Variants in CELSR1 observed in about 807,000 individuals in gnomAD.
CELSR1 encodes adhesion G protein-coupled receptor C1.
Under a neutral mutation model 249.1 loss-of-function variants are expected in CELSR1, and 110 were observed. The ratio of observed to expected loss-of-function variants is 0.44; its 90% CI spans 0.38 to 0.52. CELSR1 has a LOEUF of 0.52. CELSR1 is among the 20% of genes least tolerant of loss of function. The pLI is 0.00. For missense variants in CELSR1, 4,109 were observed against 4,296.4 expected, an observed-to-expected ratio of 0.96 and a Z score of 1.22; for synonymous variants, 2,113 against 1,900.0, an observed-to-expected ratio of 1.11 and a Z score of -2.92.
chr22:46,484,773 C>T lies in CELSR1; in HGVS notation c.3545-20428G>A, dbSNP rs963947045. Among the ~76,000 whole-genome samples, 3 of 144,766 alleles carry T rather than the reference C, an allele frequency of 2.1e-5. No individual in the cohort carries two copies. The highest frequency in any genetic ancestry group is 7.3e-5 in the Admixed American group (1 of 13,740). 95.0% of individuals were successfully genotyped at this position (144,766 alleles called of 152,430 possible). The stretch of plus-strand genomic sequence containing the variant: ...TGCTGCCTGAGGTCTCCAAACACTA[C>T]CGAAGCCCACCTCCAGGAACAAGGA... On this transcript the variant is annotated intron_variant, in intron 1 of 34. Coordinates refer to ENST00000674500, the MANE Select transcript of CELSR1 (RefSeq NM_001378328.1). The surrounding 1 kb of genome is among the most constrained non-coding windows in gnomAD (Gnocchi z 4.5).
Position 46,490,563 on chromosome 22 carries a change from C to T in CELSR1, c.3545-26218G>A, listed in dbSNP as rs536339596. On this transcript the variant is annotated intron_variant, in intron 1 of 34. Coordinates refer to ENST00000674500, the MANE Select transcript of CELSR1 (RefSeq NM_001378328.1). This position sits in a 1 kb window ranked among gnomAD's most constrained non-coding sequence, Gnocchi z 5.2. ...CCGCCTCCCAAAATGTTGAGATCAG[C>T]CAACCGAAACCCACTTTTCAAGCAG... Among the ~76,000 whole-genome samples, 188 of 152,164 alleles carry T rather than the reference C, an allele frequency of 1.2e-3. No individual in the cohort carries two copies. The highest frequency in any genetic ancestry group is 3.9e-3 in the Admixed American group (60 of 15,286).
In CELSR1 at chr22:46,361,516, C is replaced by T. The variant is rs943785080; in HGVS notation, c.*1707G>A. The T allele has an allele frequency of 8.5e-5, 13 of 152,214 alleles. No individual in the cohort carries two copies. The South Asian group carries it at 1.4e-3, about 17-fold the overall frequency. The allele number at this position is 152,214 out of a possible 1,614,324, so 9.4% of individuals were successfully genotyped here. ...TAAAAACCTTTTCGTACTTAGGAAA[C>T]GCCAGGGGCAAACGTTTAAAGGGAC... is the stretch of plus-strand genomic sequence containing the variant. On this transcript the variant is annotated 3_prime_UTR_variant, in exon 35 of 35. Coordinates refer to ENST00000674500, the MANE Select transcript of CELSR1 (RefSeq NM_001378328.1).
intron 9 of CELSR1, among the ~76,000 whole-genome samples, chr22:46,400,921 C>T (rs761705467): frequency 3.3e-5 from 5 of 151,188 alleles, no homozygotes; most frequent in South Asian, 2.1e-4. Context: ...TACTGTACTT[C>T]GACTTGGGTG....
intron 2 of CELSR1, among the ~76,000 whole-genome samples, chr22:46,442,820 G>T (rs1172265283): frequency 6.6e-6 from 1 of 152,190 alleles, no homozygotes; most frequent in African/African-American, 2.4e-5. Context: ...GGCCTGGCGC[G>T]GTGGCTCACG....
In CELSR1 at chr22:46,363,127, C is replaced by G. The variant is rs752905705; in HGVS notation, c.*96G>C. 6.2e-7 allele frequency: 1 copy of G among 1,613,280 alleles called. No homozygotes were observed. Among genetic ancestry groups the G allele is most frequent in the Non-Finnish European group, 8.5e-7 (1 of 1,179,674 alleles). ...ACTTCAAGGGCAGTGGCCCCTTGGG[C>G]TCCAAGGTCTGAGGGTGATGCCGCA... On this transcript the variant is annotated 3_prime_UTR_variant, in exon 35 of 35. Transcript: ENST00000674500. This position sits in a 1 kb window ranked among gnomAD's most constrained non-coding sequence, Gnocchi z 4.3.
intron 28 of CELSR1, among the ~76,000 whole-genome samples, chr22:46,367,379 G>A (rs891724627): frequency 2.0e-5 from 3 of 152,252 alleles, no homozygotes; most frequent in Non-Finnish European, 2.9e-5. Context: ...AGTCTTCTGG[G>A]CACTCCTTCC....
intron 1 of CELSR1, among the ~76,000 whole-genome samples, chr22:46,489,811 C>T (rs2080350192): frequency 6.6e-6 from 1 of 151,632 alleles, no homozygotes; most frequent in Non-Finnish European, 1.5e-5. Flanking sequence ...ATGAGAATTG[C>T]TTGAACCCGG....
rs1465526770 is a variant in CELSR1, at chr22:46,536,878, G to C, written c.293C>G (p.Pro98Arg). Reference protein sequence around the residue: ...LQVRLVARSAPTALSRRLRAR... With the variant: ...LQVRLVARSARTALSRRLRAR... ...CCGCAGGCGGCGGCTCAGCGCCGTC[G>C]GGGCACTGCGGGCCACCAAGCGGAC... Residue 98 changes from proline (P) to arginine (R), a missense_variant, in exon 1 of 35, where the codon CCG (proline) becomes CGG (arginine). By Grantham distance (103) the Pro-to-Arg change is moderately radical. This residue lies in a region of CELSR1 where 673 missense variants were observed against 636.8 expected (regional missense o/e 1.06). Transcript: ENST00000674500. 20 of 1,227,198 alleles carry C rather than the reference G, an allele frequency of 1.6e-5. No homozygotes were observed. Among genetic ancestry groups the C allele is most frequent in the Middle Eastern group, 6.5e-4 (2 of 3,054 alleles). 76.0% of individuals were successfully genotyped at this position (1,227,198 alleles called of 1,614,324 possible).
intron 1 of CELSR1, among the ~76,000 whole-genome samples, chr22:46,497,985 ACG>A (rs1308166952): frequency 2.0e-5 from 3 of 152,082 alleles, no homozygotes. Flanking sequence ...ACGGTGGCTC[ACG>A]CTTGTAATCC....
chr22:46,488,591 G>A lies in CELSR1; in HGVS notation c.3545-24246C>T, dbSNP rs5768823. 0.35 allele frequency among the ~76,000 whole-genome samples: 53,815 copies of A among 151,748 alleles called. 9,673 individuals carry two copies. The highest frequency in any genetic ancestry group is 0.42 in the African/African-American group (17,365 of 41,376). On this transcript the variant is annotated intron_variant, in intron 1 of 34. Transcript: ENST00000674500. This position sits in a 1 kb window ranked among gnomAD's most constrained non-coding sequence, Gnocchi z 4.7. ...CAAAAAGAACAAACGCACCCCCCGC[G>A]CCACAGTGGAAAGTCCCCAGAAGCA...
rs557088500 is a variant in CELSR1, at chr22:46,472,215, G to A, written c.3545-7870C>T. Among the ~76,000 whole-genome samples, 234 of 152,316 alleles carry A rather than the reference G, an allele frequency of 1.5e-3. 1 individual carries two copies. Among genetic ancestry groups the A allele is most frequent in the African/African-American group, 5.3e-3 (222 of 41,570 alleles). Reference sequence around the variant, plus strand: ...CCCTCCTGGCAGGTGCTGTACAAACGTGAACCACATCATGGGAAGGAACTT... The same window carrying A: ...CCCTCCTGGCAGGTGCTGTACAAACATGAACCACATCATGGGAAGGAACTT... On this transcript the variant is annotated intron_variant, in intron 1 of 34. Transcript: ENST00000674500. The surrounding 1 kb of genome is among the most constrained non-coding windows in gnomAD (Gnocchi z 7.0).
chr22:46,460,385 A>C (rs2080011123), intron 2 of CELSR1, among the ~76,000 whole-genome samples: 1 of 152,232 alleles, frequency 6.6e-6, no homozygotes. Flanking sequence ...GAACCTTCTC[A>C]GAGCAGGTGT....
intron 1 of CELSR1, among the ~76,000 whole-genome samples, chr22:46,511,282 T>G (rs1215771160): frequency 6.6e-6 from 1 of 152,150 alleles, no homozygotes; most frequent in Non-Finnish European, 1.5e-5. Flanking sequence ...AGGGCACACC[T>G]GGAGACTCCC....
At chr22:46,389,125 C>T (rs1292617203) in intron 18 of CELSR1, among the ~76,000 whole-genome samples, 165 bp downstream of exon 18, 3 of 152,246 alleles carry the variant, frequency 2.0e-5, no homozygotes, top group Non-Finnish European at 4.4e-5. Context: ...TCAGTTTAGT[C>T]AGGCACTGCA....
chr22:46,385,225 T>G (rs2079019717), intron 19 of CELSR1, among the ~76,000 whole-genome samples: 1 of 152,208 alleles, frequency 6.6e-6, no homozygotes, highest in South Asian at 2.1e-4. Context: ...CTCAAGTAGC[T>G]GGGAATACAG....
intron 9 of CELSR1, among the ~76,000 whole-genome samples, chr22:46,400,315 C>A (rs921786008): frequency 6.8e-6 from 1 of 147,684 alleles, no homozygotes; most frequent in Non-Finnish European, 1.5e-5. Context: ...GGTGACAGAG[C>A]GAGACTTGGT....
chr22:46,524,615 C>G (rs370221637), intron 1 of CELSR1, among the ~76,000 whole-genome samples: 1 of 151,820 alleles, frequency 6.6e-6, no homozygotes, highest in African/African-American at 2.4e-5. Flanking sequence ...AGCCCCTGGC[C>G]TTCATCCAGG....
At position 46,534,426 on chromosome 22, in the gene CELSR1, A is replaced by G. The variant is rs2080827431; in HGVS notation, c.2745T>C (p.Ser915=). 1 of 1,612,854 alleles carries G rather than the reference A, an allele frequency of 6.2e-7. No individual in the cohort carries two copies. Among genetic ancestry groups the G allele is most frequent in the Admixed American group, 1.7e-5 (1 of 60,006 alleles). ...TGGGACCTGAGTCCCGGTCCGTGGC[A>G]GAGACCTGGAGGATGCTGGTCGAGG... is the stretch of plus-strand genomic sequence containing the variant. The part of the protein sequence containing the change: ...APPSTSILQV[S]ATDRDSGPNG... The change falls in exon 1 of 35, where the codon TCT becomes TCC. Residue 915 remains serine, a synonymous_variant. Coordinates refer to ENST00000674500, the MANE Select transcript of CELSR1 (RefSeq NM_001378328.1). The surrounding 1 kb of genome is among the most constrained non-coding windows in gnomAD (Gnocchi z 9.7).
rs200411549 is a variant in CELSR1 at position 46,386,508 on chromosome 22, G to T, written c.6633C>A (p.Gly2211=). The change falls in exon 19 of 35, where the codon GGC becomes GGA. Residue 2211 remains glycine (G), a synonymous_variant. Transcript: ENST00000674500. ...GGCGCCGGAGCAGCTGTGCCGTGCC[G>T]CCCTCGCTCCGCTGGATCTGCTCCC... The part of the protein sequence containing the change: ...AAWEQIQRSE[G]GTAQLLRRLE... The T allele has an allele frequency of 6.3e-7, 1 of 1,597,452 alleles. No individual in the cohort carries two copies. The highest frequency in any genetic ancestry group is 1.7e-5 in the Admixed American group (1 of 58,020).
Sources: gnomAD v4.1 joint callset for allele counts (sites outside exome capture counted in the v4.1 genomes callset) on GRCh38, gnomAD v4.1.1 for gene constraint, gnomAD v4.1.1 regional missense constraint, Gnocchi (gnomAD v3.1) non-coding constraint, MANE v1.5 for transcripts, NCBI Gene and HGNC (gene_info 2026-07-23, HGNC 2026-07-21) for gene names.